SORCS2: variants seen among roughly 807,000 people sequenced by gnomAD.
SORCS2 encodes the protein VPS10 domain-containing receptor SorCS2.
In SORCS2, 100 loss-of-function variants were observed where a neutral mutation model predicts 141.6. That is an observed-to-expected ratio of 0.71 (90% CI 0.60 to 0.83). The LOEUF (loss-of-function observed/expected upper bound fraction) is 0.83, where lower values mean the gene tolerates loss of function less well. Ranked by LOEUF, SORCS2 falls within the 40% of genes least tolerant of loss-of-function variation. The pLI is 0.00. For missense variants in SORCS2, 1,646 were observed against 1,560.2 expected (o/e 1.05, Z -0.93); for synonymous variants, 789 against 676.9 (o/e 1.17, Z -2.57).
intron 2 of SORCS2, among the ~76,000 whole-genome samples, chr4:7,460,648 A>T (rs1035752963): frequency 6.6e-6 from 1 of 151,980 alleles, no homozygotes; most frequent in Middle Eastern, 3.2e-3. Context: ...TGTGTAATCG[A>T]GATTTGGTGA....
intron 1 of SORCS2, among the ~76,000 whole-genome samples, chr4:7,219,732 G>T (rs1353363965): frequency 6.6e-6 from 1 of 152,188 alleles, no homozygotes; most frequent in Non-Finnish European, 1.5e-5. Context: ...ATGACACGTG[G>T]GGATCGTGGG....
chr4:7,410,948 C>CGTT lies in SORCS2; in HGVS notation c.548+14593_548+14594insGTT, dbSNP rs1560262247. ...GGGCCCAGCAGCCTCTTCTCTCCAT[C>CGTT]CTTTTTTTTTTTTTTTTTTTTTTTT... On this transcript the variant is annotated intron_variant, in intron 2 of 26. Transcript: ENST00000507866. Among the ~76,000 whole-genome samples the CGTT allele has an allele frequency of 8.5e-5, 8 of 94,594 alleles. No homozygotes were observed. In the Admixed American group the frequency reaches 1.1e-3, roughly 13 times the overall value. The allele number at this position is 94,594 out of a possible 152,430, so 62.1% of individuals were successfully genotyped here.
At chr4:7,555,065 A>G (rs897703355) in intron 3 of SORCS2, among the ~76,000 whole-genome samples, 1 of 152,162 alleles carries the variant, frequency 6.6e-6, no homozygotes, top group Admixed American at 6.5e-5. Context: ...ACTGTCCACA[A>G]GGTGTCCTTG....
rs73208403 is a variant in SORCS2, at chr4:7,286,963, A to T, written c.480+93837A>T. The stretch of plus-strand genomic sequence containing the variant: ...AGAGGGACCAGGGCCACTGGTACGA[A>T]CGCTTCTTGCATCAGGTGGCTGCAG... On this transcript the variant is annotated intron_variant, in intron 1 of 26. Transcript: ENST00000507866. This position sits in a 1 kb window ranked among gnomAD's most constrained non-coding sequence, Gnocchi z 4.1. Among the ~76,000 whole-genome samples, 3,151 of 152,226 alleles carry T rather than the reference A, an allele frequency of 0.021. 52 individuals carry two copies. The highest frequency in any genetic ancestry group is 0.034 in the Non-Finnish European group (2,326 of 68,002).
At chr4:7,570,336 C>T (rs542880923) in intron 3 of SORCS2, among the ~76,000 whole-genome samples, 15 of 152,330 alleles carry the variant, frequency 9.8e-5, no homozygotes, top group East Asian at 1.9e-4. Flanking sequence ...CCACTCATGA[C>T]GGTGCCTCCT....
At chr4:7,532,412 C>T (rs1014922389) in intron 3 of SORCS2, among the ~76,000 whole-genome samples, 2 of 152,248 alleles carry the variant, frequency 1.3e-5, no homozygotes, top group Non-Finnish European at 2.9e-5. Context: ...GGATCAGGCA[C>T]CCAGAGCCCC....
intron 1 of SORCS2, among the ~76,000 whole-genome samples, chr4:7,369,153 C>CA (rs530964794): frequency 6.7e-4 from 101 of 151,868 alleles, no homozygotes; most frequent in Admixed American, 1.2e-3. Context: ...CTAAAAAATA[C>CA]AAAAAAAATT....
intron 2 of SORCS2, among the ~76,000 whole-genome samples, chr4:7,454,515 A>C (rs866282641): frequency 4.4e-5 from 3 of 67,598 alleles, no homozygotes; most frequent in Admixed American, 1.7e-4. Context: ...TTGGGGTCAG[A>C]TGCTGTGTTG....
chr4:7,741,139 C>G lies in SORCS2; in HGVS notation c.*875C>G, dbSNP rs1302989047. 1.0e-5 allele frequency: 4 copies of G among 398,530 alleles called. No homozygotes were observed. Among genetic ancestry groups the G allele is most frequent in the Non-Finnish European group, 1.8e-5 (4 of 226,128 alleles). The allele number at this position is 398,530 out of a possible 1,614,324, so 24.7% of individuals were successfully genotyped here. ...GGGCTCTGGAAGGAGCCAGATGCCC[C>G]CAGAAAGGTGGGTGGTGGAGACGGC... On this transcript the variant is annotated 3_prime_UTR_variant, in exon 27 of 27. Coordinates refer to ENST00000507866, the MANE Select transcript of SORCS2 (RefSeq NM_020777.3).
chr4:7,714,535 C>A (rs1726057927), intron 16 of SORCS2, among the ~76,000 whole-genome samples, 162 bp downstream of exon 16: 1 of 152,212 alleles, frequency 6.6e-6, no homozygotes, highest in African/African-American at 2.4e-5. Context: ...TCTGTTAGAA[C>A]CAAGTCACCA....
At chr4:7,653,149 TC>T (rs1721545246) in intron 4 of SORCS2, among the ~76,000 whole-genome samples, 1 of 152,092 alleles carries the variant, frequency 6.6e-6, no homozygotes, top group Admixed American at 6.5e-5. Flanking sequence ...TGAGAACCCC[TC>T]CCGAGGGCAC....
intron 8 of SORCS2, 127 bp downstream of exon 8, chr4:7,667,340 C>A: frequency 1.2e-6 from 1 of 820,172 alleles, no homozygotes; most frequent in Non-Finnish European, 2.0e-6. Flanking sequence ...ACAGTGTGGC[C>A]ACGCTTCGTC....
intron 2 of SORCS2, among the ~76,000 whole-genome samples, chr4:7,473,622 C>G (rs545767470): frequency 1.3e-5 from 2 of 152,140 alleles, no homozygotes; most frequent in African/African-American, 4.8e-5. Flanking sequence ...CACAAAGGGC[C>G]CCGAATGCCA....
chr4:7,682,260 G>A lies in SORCS2; in HGVS notation c.1342-483G>A, dbSNP rs1209518078. ...ATGGACCCTCCTGTCTTCATTCCTTGGCATGTTTGTATGGGGATTGAGCTG... is the reference window on the plus strand; with the variant it reads ...ATGGACCCTCCTGTCTTCATTCCTTAGCATGTTTGTATGGGGATTGAGCTG... On this transcript the variant is annotated intron_variant, in intron 9 of 26. Transcript: ENST00000507866. 2.0e-5 allele frequency among the ~76,000 whole-genome samples: 3 copies of A among 152,272 alleles called. No homozygotes were observed. In the East Asian group the frequency reaches 5.8e-4, roughly 29 times the overall value.
At chr4:7,321,597 G>A (rs17756497) in intron 1 of SORCS2, among the ~76,000 whole-genome samples, 33,929 of 152,140 alleles carry the variant, frequency 0.22, 4,250 homozygotes, top group Non-Finnish European at 0.29. Context: ...ACAGGGGGGC[G>A]GACAGTACCA....
At chr4:7,441,628 C>T (rs1727671726) in intron 2 of SORCS2, among the ~76,000 whole-genome samples, 1 of 151,784 alleles carries the variant, frequency 6.6e-6, no homozygotes, top group Non-Finnish European at 1.5e-5. Context: ...CCCCTTCCTC[C>T]AGCCCAGATC....
Position 7,667,211 on chromosome 4 carries a change from A to T in SORCS2, c.1159A>T (p.Lys387Ter). ...GAAGCTGCCGAAGTATGCATTGCCA[A>T]AGGTAAGGTGCTCCCCATTCCGCCT... is the stretch of plus-strand genomic sequence containing the variant. ...LMKLPKYALP[K>*]DLQIISTDES... Residue 387 changes from lysine (K) to a stop codon, truncating the protein, a stop_gained and splice_region_variant, in exon 8 of 27, where the codon AAG (lysine) becomes TAG (stop). Coordinates refer to ENST00000507866, the MANE Select transcript of SORCS2 (RefSeq NM_020777.3). LOFTEE classifies it high-confidence loss of function. 1 of 1,613,672 alleles carries T rather than the reference A, an allele frequency of 6.2e-7. No homozygotes were observed. Among genetic ancestry groups the T allele is most frequent in the Non-Finnish European group, 8.5e-7 (1 of 1,179,612 alleles).
intron 7 of SORCS2, 72 bp from the exon 8 acceptor site, chr4:7,667,052 G>C: frequency 7.4e-7 from 1 of 1,359,308 alleles, no homozygotes; most frequent in Non-Finnish European, 1.0e-6. Context: ...ATAACATGTA[G>C]TTTTTCATTC....
chr4:7,388,013 T>C (rs1723571048), intron 1 of SORCS2, among the ~76,000 whole-genome samples: 3 of 86,460 alleles, frequency 3.5e-5, no homozygotes, highest in East Asian at 5.9e-4. Context: ...TGCACATGCA[T>C]ACAGATACAC....
Sources: gnomAD v4.1 joint callset for allele counts (sites outside exome capture counted in the v4.1 genomes callset) on GRCh38, gnomAD v4.1.1 for gene constraint, Gnocchi (gnomAD v3.1) non-coding constraint, MANE v1.5 for transcripts, NCBI Gene and HGNC (gene_info 2026-07-23, HGNC 2026-07-21) for gene names.